Variants in CNOT6 observed in about 807,000 individuals in gnomAD.
CNOT6 encodes carbon catabolite repression 4 protein.
A neutral mutation model predicts 61.2 loss-of-function variants in CNOT6; 12 were observed. The observed-to-expected ratio is 0.20, with a 90% confidence interval of 0.13 to 0.32. The LOEUF is 0.32. Among genes scored for constraint, CNOT6 ranks in the 10% least tolerant of loss-of-function variants. The probability of loss-of-function intolerance (pLI) is 1.00; values close to 1 mark genes in which losing one functional copy is unlikely to be tolerated. For missense variants in CNOT6, 405 were observed against 663.9 expected, an observed-to-expected ratio of 0.61 and a Z score of 4.28; for synonymous variants, 225 against 240.6, an observed-to-expected ratio of 0.94 and a Z score of 0.60.
chr5:180,495,123 T>C (rs1756544249), intron 1 of CNOT6, among the ~76,000 whole-genome samples: 1 of 152,100 alleles, frequency 6.6e-6, no homozygotes, highest in African/African-American at 2.4e-5. Flanking sequence ...GGTGGCAACT[T>C]TTGAGAAGCG....
intron 1 of CNOT6, among the ~76,000 whole-genome samples, chr5:180,515,749 G>A (rs1009084168): frequency 4.6e-5 from 7 of 152,048 alleles, no homozygotes; most frequent in Admixed American, 3.3e-4. Flanking sequence ...CTTTCTGCAC[G>A]TGAGTTTATT....
At chr5:180,517,699 A>C (rs1221999543) in intron 1 of CNOT6, among the ~76,000 whole-genome samples, 1 of 152,060 alleles carries the variant, frequency 6.6e-6, no homozygotes, top group East Asian at 1.9e-4. Context: ...GCCTGCCACA[A>C]AGCCCAGCTA....
chr5:180,555,180 G>C (rs1759821532), intron 4 of CNOT6, among the ~76,000 whole-genome samples: 1 of 151,954 alleles, frequency 6.6e-6, no homozygotes. Context: ...CTAATTTTTT[G>C]TGTTTTTAGC....
rs751352753 is a variant in CNOT6, at chr5:180,553,503, T to TTG, written c.385+36_385+37dup. Reference sequence around the variant, plus strand: ...CTTCCATATTTGTACTTCTTATGGTTTGTGTATATGTCTTTGAATCTAAAG... The same window carrying TTG: ...CTTCCATATTTGTACTTCTTATGGTTTGTGTGTATATGTCTTTGAATCTAAAG... On this transcript the variant is annotated intron_variant, in intron 4 of 11. Coordinates refer to ENST00000261951, the MANE Select transcript of CNOT6 (RefSeq NM_001370472.1). The TTG allele has an allele frequency of 1.2e-4, 181 of 1,510,556 alleles. No homozygotes were observed. The African/African-American group carries it at 2.2e-3, about 19-fold the overall frequency. 93.6% of individuals were successfully genotyped at this position (1,510,556 alleles called of 1,614,324 possible).
At chr5:180,566,941 A>G in intron 7 of CNOT6, 147 bp from the exon 8 acceptor site, 2 of 736,134 alleles carry the variant, frequency 2.7e-6, no homozygotes, top group African/African-American at 1.8e-5. Flanking sequence ...GACATGAGCC[A>G]CCATGCCCGG....
chr5:180,556,371 T>C (rs1759891980), intron 4 of CNOT6, among the ~76,000 whole-genome samples: 1 of 152,142 alleles, frequency 6.6e-6, no homozygotes, highest in Non-Finnish European at 1.5e-5. Flanking sequence ...GTAACTATAG[T>C]TAATAATAAT....
chr5:180,573,956 C>A, intron 11 of CNOT6, 32 bp from the exon 12 acceptor site: 1 of 1,436,466 alleles, frequency 7.0e-7, no homozygotes, highest in Non-Finnish European at 9.8e-7. Context: ...TTGTCTTATA[C>A]GGTGCTTATC....
chr5:180,514,238 A>G (rs1038984112), intron 1 of CNOT6, among the ~76,000 whole-genome samples: 3 of 151,026 alleles, frequency 2.0e-5, no homozygotes, highest in African/African-American at 7.3e-5. Context: ...CCTGGCCAAC[A>G]TGGTGAAACC....
intron 1 of CNOT6, among the ~76,000 whole-genome samples, chr5:180,501,889 G>A (rs1175142763): frequency 2.0e-5 from 3 of 152,148 alleles, no homozygotes; most frequent in African/African-American, 4.8e-5. Context: ...ATGAGATCTG[G>A]AAATGGGTTG....
intron 4 of CNOT6, among the ~76,000 whole-genome samples, chr5:180,559,950 A>ATTTT (rs528723433): frequency 7.1e-6 from 1 of 141,566 alleles, no homozygotes; most frequent in Admixed American, 7.1e-5. Context: ...TAGTTTTATG[A>ATTTT]TTTTTTTTTT....
chr5:180,499,563 A>G (rs1483322021), intron 1 of CNOT6, among the ~76,000 whole-genome samples: 1 of 152,252 alleles, frequency 6.6e-6, no homozygotes, highest in African/African-American at 2.4e-5. Context: ...AGCAACATAC[A>G]GGTTCCTAAA....
In CNOT6 at chr5:180,567,261, T is replaced by G. The variant is rs1441922668; in HGVS notation, c.872+19T>G. ...CAGAAAAGTAAGTCATCTTATTTTT[T>G]AAAAAGAACGTTTTCTCAGTATTTG... On this transcript the variant is annotated intron_variant, in intron 8 of 11. Transcript: ENST00000261951. The G allele has an allele frequency of 1.3e-6, 2 of 1,591,276 alleles. No individual in the cohort carries two copies. The highest frequency in any genetic ancestry group is 8.5e-7 in the Non-Finnish European group (1 of 1,173,006).
At chr5:180,537,807 T>C (rs1227477890) in intron 2 of CNOT6, among the ~76,000 whole-genome samples, 5 of 149,910 alleles carry the variant, frequency 3.3e-5, no homozygotes, top group African/African-American at 1.2e-4. Flanking sequence ...TCTCTCTCTT[T>C]TTTTTTTTTT....
chr5:180,564,357 A>G, intron 4 of CNOT6, 132 bp from the exon 5 acceptor site: 1 of 654,020 alleles, frequency 1.5e-6, no homozygotes, highest in East Asian at 2.7e-5. Flanking sequence ...AAAAAACAAT[A>G]TTTTCTATAG....
intron 3 of CNOT6, among the ~76,000 whole-genome samples, chr5:180,553,173 T>G (rs1228133050): frequency 1.3e-5 from 2 of 152,238 alleles, no homozygotes. Flanking sequence ...TTTCCCCCAT[T>G]ATTTCATTTT....
chr5:180,540,529 T>C (rs1052320196), intron 2 of CNOT6, among the ~76,000 whole-genome samples: 1 of 152,188 alleles, frequency 6.6e-6, no homozygotes, highest in Non-Finnish European at 1.5e-5. Context: ...CAGTATTCAG[T>C]CATTACATGA....
intron 1 of CNOT6, among the ~76,000 whole-genome samples, chr5:180,528,232 C>T (rs1758190477): frequency 6.6e-6 from 1 of 152,166 alleles, no homozygotes; most frequent in South Asian, 2.1e-4. Context: ...GATTTATTAG[C>T]TAGAATTCTG....
At position 180,576,212 on chromosome 5, in the gene CNOT6, T is replaced by C. The variant is rs1760997381; in HGVS notation, c.*2012T>C. 6.6e-6 allele frequency: 1 copy of C among 152,636 alleles called. No individual in the cohort carries two copies. Among genetic ancestry groups the C allele is most frequent in the Non-Finnish European group, 1.5e-5 (1 of 68,036 alleles). The allele number at this position is 152,636 out of a possible 1,614,324, so 9.5% of individuals were successfully genotyped here. The stretch of plus-strand genomic sequence containing the variant: ...TTTTTCCTGAACACTGTGTTGGTAA[T>C]GTGCATCATGACAATTTCCAGTGAA... On this transcript the variant is annotated 3_prime_UTR_variant, in exon 12 of 12. Transcript: ENST00000261951.
chr5:180,519,637 A>G (rs1467583139), intron 1 of CNOT6, among the ~76,000 whole-genome samples: 2 of 152,178 alleles, frequency 1.3e-5, no homozygotes, highest in Non-Finnish European at 2.9e-5. Context: ...AATATATTGA[A>G]TATTTCCATC....
Sources: gnomAD v4.1 joint callset for allele counts (sites outside exome capture counted in the v4.1 genomes callset) on GRCh38, gnomAD v4.1.1 for gene constraint, MANE v1.5 for transcripts, NCBI Gene and HGNC (gene_info 2026-07-23, HGNC 2026-07-21) for gene names.